Variants in BBS9 observed in about 807,000 individuals in gnomAD.
BBS9 encodes the protein Bardet-Biedl syndrome 9.
BBS9 carries 89 observed loss-of-function variants against 117.7 expected under a neutral mutation model. The ratio of observed to expected loss-of-function variants is 0.76; its 90% confidence interval spans 0.64 to 0.90. BBS9 has a LOEUF of 0.90. Ranked by LOEUF, BBS9 falls within the 40% of genes least tolerant of loss-of-function variation. BBS9 has a pLI of 0.00. For synonymous variants in BBS9, 379 were observed against 370.9 expected (o/e 1.02, Z -0.25); for missense variants, 982 against 1,042.2 (o/e 0.94, Z 0.80).
chr7:33,376,942 A>G (rs780464789), intron 17 of BBS9, among the ~76,000 whole-genome samples: 14 of 151,926 alleles, frequency 9.2e-5, no homozygotes, highest in Admixed American at 2.0e-4. Context: ...GATTCTGGAT[A>G]TTAGACCTTT....
chr7:33,336,534 C>T lies in BBS9; in HGVS notation c.1110C>T (p.Asn370=), dbSNP rs61753524. ...GTDPSLFQAP[N]VQSRELNYDE... ...ATCCTTCTCTGTTCCAAGCTCCAAACGTTCAATCTCGAGAACTAAACTATG... is the reference window on the plus strand; with the variant it reads ...ATCCTTCTCTGTTCCAAGCTCCAAATGTTCAATCTCGAGAACTAAACTATG... Residue 370 remains asparagine (N), a synonymous_variant, in exon 10 of 23, where the codon AAC becomes AAT. Coordinates refer to ENST00000242067, the MANE Select transcript of BBS9 (RefSeq NM_198428.3). 1,561 of 1,613,156 alleles carry T rather than the reference C, an allele frequency of 9.7e-4. 11 individuals carry two copies. The African/African-American group carries it at 0.018, about 18-fold the overall frequency.
chr7:33,375,770 A>T (rs565770898), intron 17 of BBS9, among the ~76,000 whole-genome samples: 1,520 of 151,748 alleles, frequency 0.01, 8 homozygotes, highest in Non-Finnish European at 0.018. Flanking sequence ...TATTTTGTAT[A>T]TTAGTAAAGA....
intron 19 of BBS9, among the ~76,000 whole-genome samples, chr7:33,415,550 T>A (rs1831858638): frequency 6.6e-6 from 1 of 152,202 alleles, no homozygotes; most frequent in African/African-American, 2.4e-5. Flanking sequence ...CACCATTTCA[T>A]CTATAAAACT....
intron 21 of BBS9, among the ~76,000 whole-genome samples, chr7:33,582,811 C>T (rs1860208155): frequency 1.3e-5 from 2 of 152,070 alleles, no homozygotes; most frequent in African/African-American, 4.8e-5. Flanking sequence ...CATCCTTTCC[C>T]ATCCTCATAC....
intron 5 of BBS9, among the ~76,000 whole-genome samples, chr7:33,216,646 CAT>C: frequency 6.6e-6 from 1 of 152,290 alleles, no homozygotes; most frequent in East Asian, 1.9e-4. Context: ...GGCTTTGTCA[CAT>C]AGTCATAGTT....
intron 9 of BBS9, among the ~76,000 whole-genome samples, chr7:33,318,476 A>G (rs919126236): frequency 6.6e-6 from 1 of 151,836 alleles, no homozygotes; most frequent in African/African-American, 2.4e-5. Context: ...CTACCCTTCA[A>G]TCCCATATTC....
intron 5 of BBS9, among the ~76,000 whole-genome samples, chr7:33,184,813 G>A (rs1329492144): frequency 1.3e-5 from 2 of 152,202 alleles, no homozygotes; most frequent in African/African-American, 4.8e-5. Flanking sequence ...TAAAGTGACA[G>A]CAAGTTTATT....
intron 11 of BBS9, among the ~76,000 whole-genome samples, chr7:33,342,095 TTTAAAACGTATATCA>T (rs1816689923): frequency 6.6e-6 from 1 of 152,142 alleles, no homozygotes; most frequent in Admixed American, 6.5e-5. Context: ...CAGAACATAC[TTTAAAACGTATATCA>T]TGAGTGTCAA....
intron 19 of BBS9, among the ~76,000 whole-genome samples, chr7:33,423,395 G>GTGT (rs552186569): frequency 2.1e-4 from 31 of 150,222 alleles, no homozygotes; most frequent in East Asian, 3.9e-4. Context: ...ATACCTTGGG[G>GTGT]GTGTGTGTGT....
chr7:33,418,045 C>T (rs140724570), intron 19 of BBS9, among the ~76,000 whole-genome samples: 7 of 152,236 alleles, frequency 4.6e-5, no homozygotes, highest in African/African-American at 1.4e-4. Context: ...CAGTGCCTTG[C>T]GTACAGCATG....
At chr7:33,252,993 A>T (rs1202628728) in intron 5 of BBS9, among the ~76,000 whole-genome samples, 2 of 152,174 alleles carry the variant, frequency 1.3e-5, no homozygotes, top group Non-Finnish European at 2.9e-5. Flanking sequence ...AGTGAGTTAC[A>T]CATCTTGCAC....
intron 21 of BBS9, among the ~76,000 whole-genome samples, chr7:33,547,767 C>T (rs1352043028): frequency 6.6e-6 from 1 of 152,130 alleles, no homozygotes; most frequent in Non-Finnish European, 1.5e-5. Flanking sequence ...TCTTTTACCT[C>T]CTTGTTTTGA....
intron 19 of BBS9, among the ~76,000 whole-genome samples, chr7:33,391,657 C>CT (rs1827092687): frequency 1.3e-5 from 2 of 152,026 alleles, no homozygotes; most frequent in Non-Finnish European, 2.9e-5. Context: ...ATTTGTATTT[C>CT]TTTTTTATGA....
At chr7:33,596,189 A>G (rs765755307) in intron 21 of BBS9, among the ~76,000 whole-genome samples, 13 of 127,244 alleles carry the variant, frequency 1.0e-4, no homozygotes, top group Non-Finnish European at 1.5e-4. Flanking sequence ...AAAGTAAAAT[A>G]AAAAAAAAAA....
intron 5 of BBS9, among the ~76,000 whole-genome samples, chr7:33,202,731 C>T (rs1006432469): frequency 4.6e-5 from 7 of 152,098 alleles, no homozygotes; most frequent in Non-Finnish European, 7.4e-5. Flanking sequence ...GAGGTCTGCC[C>T]CCATGATCCA....
chr7:33,602,678 G>A (rs1385152903), intron 21 of BBS9, among the ~76,000 whole-genome samples: 6 of 152,056 alleles, frequency 3.9e-5, no homozygotes, highest in Admixed American at 3.3e-4. Flanking sequence ...GCGGTGAGCC[G>A]AGTTCACGCC....
intron 21 of BBS9, among the ~76,000 whole-genome samples, chr7:33,619,298 A>G (rs1865292105): frequency 6.6e-6 from 1 of 152,306 alleles, no homozygotes; most frequent in South Asian, 2.1e-4. Context: ...CAATTCATCA[A>G]GAAGGTATAA....
chr7:33,146,508 T>C lies in BBS9; in HGVS notation c.112+144T>C, dbSNP rs1792384530. 2.5e-5 allele frequency: 17 copies of C among 668,978 alleles called. No individual in the cohort carries two copies. The South Asian group carries it at 2.6e-4, about 10-fold the overall frequency. 41.4% of individuals were successfully genotyped at this position (668,978 alleles called of 1,614,324 possible). A position where few individuals can be genotyped will look rare whatever the true frequency, so the allele number is the denominator to read the frequency against. ...CGAGGTCAGGAGTACGAGACCAGCCTGGCCAACATGGTGAAACACTGTCTC... is the reference window on the plus strand; with the variant it reads ...CGAGGTCAGGAGTACGAGACCAGCCCGGCCAACATGGTGAAACACTGTCTC... On this transcript the variant is annotated intron_variant, in intron 2 of 22. Transcript: ENST00000242067.
chr7:33,475,089 C>T (rs1164329206), intron 19 of BBS9, among the ~76,000 whole-genome samples: 1 of 152,158 alleles, frequency 6.6e-6, no homozygotes, highest in African/African-American at 2.4e-5. Flanking sequence ...ATAAGATTAC[C>T]ATGATTGGCT....
Sources: allele counts gnomAD v4.1 joint callset (sites outside exome capture counted in the v4.1 genomes callset), GRCh38; gene constraint gnomAD v4.1.1; transcripts MANE v1.5; gene names NCBI Gene and HGNC (gene_info 2026-07-23, HGNC 2026-07-21).